PUM1: variants seen among roughly 807,000 people sequenced by gnomAD.
PUM1 encodes the protein pumilio RNA binding family member 1.
In PUM1, 13 loss-of-function variants were observed where a neutral mutation model predicts 131.8. That is an observed-to-expected ratio of 0.10 (90% CI 0.06 to 0.16). The LOEUF is 0.16. Among genes scored for constraint, PUM1 ranks in the 10% least tolerant of loss-of-function variants. The pLI, the probability that PUM1 is intolerant of heterozygous loss-of-function variation, is 1.00. For synonymous variants in PUM1, 509 were observed against 556.5 expected, an observed-to-expected ratio of 0.91 and a Z score of 1.20; for missense variants, 961 against 1,512.4, an observed-to-expected ratio of 0.64 and a Z score of 6.05.
chr1:30,964,948 C>T, intron 13 of PUM1, 38 bp from the exon 14 acceptor site: 1 of 1,554,644 alleles, frequency 6.4e-7, no homozygotes, highest in Non-Finnish European at 8.9e-7. Flanking sequence ...AAGAACAGGC[C>T]TGTTCTTCGA....
At chr1:31,061,005 C>T (rs1644355426) in intron 1 of PUM1, among the ~76,000 whole-genome samples, 2 of 152,088 alleles carry the variant, frequency 1.3e-5, no homozygotes, top group East Asian at 3.8e-4. Context: ...ATGCTTTTAG[C>T]CTAAGCCCTC....
At chr1:31,018,400 G>A (rs1271829504) in intron 3 of PUM1, among the ~76,000 whole-genome samples, 2 of 152,172 alleles carry the variant, frequency 1.3e-5, no homozygotes, top group East Asian at 1.9e-4. Flanking sequence ...GGTGGCTCAC[G>A]CCTCTAATCC....
At chr1:31,019,794 G>C (rs1642954979) in intron 3 of PUM1, among the ~76,000 whole-genome samples, 2 of 152,168 alleles carry the variant, frequency 1.3e-5, no homozygotes, top group Non-Finnish European at 2.9e-5. Flanking sequence ...GAAATTCCCA[G>C]AGTGAATCGG....
intron 10 of PUM1, among the ~76,000 whole-genome samples, chr1:30,972,173 T>C (rs1640898192): frequency 6.8e-6 from 1 of 147,824 alleles, no homozygotes; most frequent in African/African-American, 2.5e-5. Context: ...GAGAATTGCT[T>C]GAACCTGGGA....
At chr1:31,011,096 T>A (rs1642596251) in intron 3 of PUM1, among the ~76,000 whole-genome samples, 1 of 151,784 alleles carries the variant, frequency 6.6e-6, no homozygotes, top group Admixed American at 6.6e-5. Flanking sequence ...GGTTTGAAGC[T>A]GCAGTGAGCT....
chr1:31,044,559 C>T (rs1342659630), intron 2 of PUM1, among the ~76,000 whole-genome samples: 1 of 152,108 alleles, frequency 6.6e-6, no homozygotes, highest in Non-Finnish European at 1.5e-5. Flanking sequence ...CTGGTGGTTG[C>T]CTAAGACTGG....
At position 30,933,240 on chromosome 1, in the gene PUM1, TGG is replaced by T; in HGVS notation, c.3536_3537del (p.Pro1179HisfsTer6). On this transcript the variant is annotated frameshift_variant, in exon 22 of 22. Transcript: ENST00000426105. LOFTEE classifies it high-confidence loss of function. ...ATGATACCATTAGGGGGGCCACAGA[TGG>T]GCCCTAAGTCAACACCGTTCTTCAT... Reference protein sequence around the residue: ...YYMKNGVDLGPICGPPNGII With the variant: ...YYMKNGVDLGXICGPPNGII 1 of 1,613,522 alleles carries T rather than the reference TGG, an allele frequency of 6.2e-7. No homozygotes were observed. The highest frequency in any genetic ancestry group is 8.5e-7 in the Non-Finnish European group (1 of 1,179,756).
intron 17 of PUM1, among the ~76,000 whole-genome samples, chr1:30,948,458 A>G (rs1238466403): frequency 6.6e-6 from 1 of 152,176 alleles, no homozygotes; most frequent in Non-Finnish European, 1.5e-5. Flanking sequence ...GTGCAAAAAT[A>G]TAACACAGGA....
intron 1 of PUM1, among the ~76,000 whole-genome samples, chr1:31,064,405 T>C (rs1644434891): frequency 1.3e-5 from 2 of 152,062 alleles, no homozygotes; most frequent in Non-Finnish European, 2.9e-5. Context: ...CCCCCCAGTG[T>C]TTTATAAAGT....
At chr1:30,980,208 T>C (rs1187136353) in intron 8 of PUM1, 45 bp from the exon 9 acceptor site, 1 of 1,463,024 alleles carries the variant, frequency 6.8e-7, no homozygotes, top group Non-Finnish European at 9.5e-7. Flanking sequence ...TGACTAAAAC[T>C]GCAGCCCTAT....
chr1:31,011,164 T>TACACACACACACACAC lies in PUM1; in HGVS notation c.433-4078_433-4063dup, dbSNP rs138764103. ...CAGAGTGAGACCCTATCTCTTAAAA[T>TACACACACACACACAC]ACACACACACACACACACACACACA... On this transcript the variant is annotated intron_variant, in intron 3 of 21. Coordinates refer to ENST00000426105, the MANE Select transcript of PUM1 (RefSeq NM_001020658.2). Among the ~76,000 whole-genome samples, 378 of 143,072 alleles carry TACACACACACACACAC rather than the reference T, an allele frequency of 2.6e-3. 3 individuals carry two copies. Among genetic ancestry groups the TACACACACACACACAC allele is most frequent in the Middle Eastern group, 3.5e-3 (1 of 286 alleles). The allele number at this position is 143,072 out of a possible 152,430, so 93.9% of individuals were successfully genotyped here. A position where few individuals can be genotyped will look rare whatever the true frequency, so the allele number is the denominator to read the frequency against.
In PUM1 at chr1:30,980,069, C is replaced by T. The variant is rs745873894; in HGVS notation, c.1347G>A (p.Ala449=). 11 of 1,600,912 alleles carry T rather than the reference C, an allele frequency of 6.9e-6. No homozygotes were observed. The Middle Eastern group carries it at 5.0e-4, about 73-fold the overall frequency. The change falls in exon 9 of 22, where the codon GCG becomes GCA. Residue 449 remains alanine (A), a synonymous_variant. Coordinates refer to ENST00000426105, the MANE Select transcript of PUM1 (RefSeq NM_001020658.2). ...TGCAGCAGAATGTCTCACCTAGTGTCGCTGCTGCAGCCAATCCAGCTGTGT... is the reference window on the plus strand; with the variant it reads ...TGCAGCAGAATGTCTCACCTAGTGTTGCTGCTGCAGCCAATCCAGCTGTGT... ...DPYTAGLAAA[A]TLGPAVVPHQ... is the part of the protein sequence containing the mutation.
At chr1:31,046,513 T>G (rs1241808831) in intron 2 of PUM1, among the ~76,000 whole-genome samples, 113 of 11,702 alleles carry the variant, frequency 9.7e-3, no homozygotes, top group Admixed American at 0.016. Context: ...TTTTTTTGGT[T>G]TTTTTTTTTT....
intron 5 of PUM1, among the ~76,000 whole-genome samples, chr1:31,001,204 T>A (rs1483573719): frequency 3.3e-5 from 5 of 151,556 alleles, no homozygotes; most frequent in African/African-American, 4.8e-5. Flanking sequence ...AAAAATAAAA[T>A]AAATAAATAA....
chr1:30,935,352 C>T (rs554964894), intron 21 of PUM1, among the ~76,000 whole-genome samples: 3 of 152,318 alleles, frequency 2.0e-5, no homozygotes, highest in African/African-American at 7.2e-5. Context: ...TGTACCCACA[C>T]GTTATAGAAG....
Position 31,014,309 on chromosome 1 carries a change from A to C in PUM1, c.433-7207T>G, listed in dbSNP as rs1029868199. Among the ~76,000 whole-genome samples, 11 of 150,098 alleles carry C rather than the reference A, an allele frequency of 7.3e-5. No individual in the cohort carries two copies. The South Asian group carries it at 1.9e-3, about 26-fold the overall frequency. ...GAGCAAGATCCAGTCTCCAAAAAAA[A>C]AAAAAAAAAAAAAATCTACATTCAA... On this transcript the variant is annotated intron_variant, in intron 3 of 21. Transcript: ENST00000426105.
In PUM1 at chr1:31,049,823, CTTTT is replaced by C. The variant is rs773718125; in HGVS notation, c.363+9377_363+9380del. Among the ~76,000 whole-genome samples, 294 of 80,002 alleles carry C rather than the reference CTTTT, an allele frequency of 3.7e-3. 1 individual carries two copies. The East Asian group carries it at 0.046, about 13-fold the overall frequency. The allele number at this position is 80,002 out of a possible 152,430, so 52.5% of individuals were successfully genotyped here. On this transcript the variant is annotated intron_variant, in intron 2 of 21. Transcript: ENST00000426105. ...AGAGAAGAGCATCTGACTGAACTTC[CTTTT>C]TTTTTTTTTTTTTTTTTTTTGAGAC... is the stretch of plus-strand genomic sequence containing the variant.
intron 10 of PUM1, among the ~76,000 whole-genome samples, chr1:30,970,559 G>A (rs1039231524): frequency 6.6e-6 from 1 of 152,182 alleles, no homozygotes; most frequent in South Asian, 2.1e-4. Flanking sequence ...AACCAACTTT[G>A]TAAGAGAAAG....
At chr1:31,001,575 C>G (rs1055702178) in intron 5 of PUM1, among the ~76,000 whole-genome samples, 2 of 152,154 alleles carry the variant, frequency 1.3e-5, no homozygotes, top group African/African-American at 4.8e-5. Flanking sequence ...CATTTCCCCT[C>G]TAAGACTCAG....
Sources: gnomAD v4.1 joint callset for allele counts (sites outside exome capture counted in the v4.1 genomes callset) on GRCh38, gnomAD v4.1.1 for gene constraint, MANE v1.5 for transcripts, NCBI Gene and HGNC (gene_info 2026-07-23, HGNC 2026-07-21) for gene names.